The following CHCHD3 variants were observed in gnomAD, a reference collection of about 807,000 sequenced individuals.
CHCHD3 encodes the protein coiled-coil-helix-coiled-coil-helix domain containing 3.
Under a neutral mutation model 38.2 loss-of-function variants are expected in CHCHD3, and 20 were observed. That is an observed-to-expected ratio of 0.52 (90% confidence interval 0.37 to 0.76). The LOEUF is 0.76. Ranked by LOEUF, CHCHD3 falls within the 30% of genes least tolerant of loss-of-function variation. The probability of loss-of-function intolerance (pLI) is 0.00; values close to 1 mark genes in which losing one functional copy is unlikely to be tolerated. For missense variants in CHCHD3, 245 were observed against 279.2 expected (o/e 0.88, Z 0.87); for synonymous variants, 82 against 100.0 (o/e 0.82, Z 1.07).
At chr7:133,045,266 C>CTCACCCAGT (rs1253166071) in intron 2 of CHCHD3, among the ~76,000 whole-genome samples, 2 of 152,074 alleles carry the variant, frequency 1.3e-5, no homozygotes, top group African/African-American at 4.8e-5. Context: ...TGACAACTGA[C>CTCACCCAGT]GAAGAGGTTC....
chr7:132,920,573 G>C (rs1183292033), intron 4 of CHCHD3, among the ~76,000 whole-genome samples: 1 of 152,060 alleles, frequency 6.6e-6, no homozygotes, highest in Non-Finnish European at 1.5e-5. Context: ...TTTATTTATT[G>C]TTGTTTATTT....
In CHCHD3 at chr7:132,822,114, C is replaced by T. The variant is rs115131900; in HGVS notation, c.524+16285G>A. 4.3e-3 allele frequency among the ~76,000 whole-genome samples: 651 copies of T among 152,250 alleles called. 7 individuals are homozygous for T. The highest frequency in any genetic ancestry group is 0.015 in the African/African-American group (604 of 41,534). On this transcript the variant is annotated intron_variant, in intron 6 of 7. Transcript: ENST00000262570. ...AGGATGTATTTTTCATTTGTCTTGT[C>T]GTCTGTTAGAAAAGGTGAAGATGTG...
chr7:132,822,192 T>C (rs1585545688), intron 6 of CHCHD3, among the ~76,000 whole-genome samples: 1 of 152,194 alleles, frequency 6.6e-6, no homozygotes, highest in Admixed American at 6.5e-5. Flanking sequence ...AGCGCTTCAC[T>C]TTCCAAATGT....
At chr7:132,861,289 T>A (rs967271662) in intron 5 of CHCHD3, among the ~76,000 whole-genome samples, 2 of 152,182 alleles carry the variant, frequency 1.3e-5, no homozygotes, top group African/African-American at 4.8e-5. Flanking sequence ...TGCTATTCTT[T>A]GGAGTGTGAG....
chr7:133,070,047 C>T lies in CHCHD3; in HGVS notation c.169+95G>A, dbSNP rs534488609. 1.8e-3 allele frequency: 1,531 copies of T among 832,454 alleles called. 4 individuals are homozygous for T. The highest frequency in any genetic ancestry group is 2.5e-3 in the Non-Finnish European group (1,304 of 528,232). The allele number at this position is 832,454 out of a possible 1,614,324, so 51.6% of individuals were successfully genotyped here. ...TATTAAAAGCTAAACATCTAAATAA[C>T]GAAAGACAGAATGCTAGAGAACTTG... On this transcript the variant is annotated intron_variant, in intron 2 of 7. Transcript: ENST00000262570.
intron 3 of CHCHD3, among the ~76,000 whole-genome samples, chr7:132,975,922 G>T (rs1226956156): frequency 1.2e-5 from 1 of 86,954 alleles, no homozygotes; most frequent in East Asian, 3.1e-4. Flanking sequence ...ATGAGACTCC[G>T]TTTAAAAAAA....
intron 2 of CHCHD3, among the ~76,000 whole-genome samples, chr7:133,048,386 G>A (rs966185148): frequency 6.6e-6 from 1 of 152,166 alleles, no homozygotes; most frequent in African/African-American, 2.4e-5. Flanking sequence ...ACAAAACTGA[G>A]TGCAGTAAGT....
At chr7:133,045,379 C>T (rs1019747397) in intron 2 of CHCHD3, among the ~76,000 whole-genome samples, 4 of 152,164 alleles carry the variant, frequency 2.6e-5, no homozygotes, top group Non-Finnish European at 5.9e-5. Flanking sequence ...ATTTCAGGTC[C>T]TGTCTCTGCT....
intron 2 of CHCHD3, among the ~76,000 whole-genome samples, chr7:133,054,469 T>C (rs533014966): frequency 6.6e-6 from 1 of 152,250 alleles, no homozygotes; most frequent in East Asian, 1.9e-4. Flanking sequence ...ATAATGCAAG[T>C]CCCTATGTAT....
chr7:132,951,611 T>C (rs927993343), intron 4 of CHCHD3, among the ~76,000 whole-genome samples: 3 of 152,242 alleles, frequency 2.0e-5, no homozygotes, highest in Non-Finnish European at 4.4e-5. Flanking sequence ...TGTAAGTACA[T>C]TATATGATGT....
intron 1 of CHCHD3, among the ~76,000 whole-genome samples, chr7:133,078,835 G>C (rs1415535935): frequency 2.0e-5 from 3 of 152,196 alleles, no homozygotes; most frequent in Non-Finnish European, 4.4e-5. Context: ...ATAAATGCTA[G>C]ACAACTGGTC....
chr7:132,787,447 G>T (rs1021306819), intron 7 of CHCHD3, among the ~76,000 whole-genome samples: 3 of 152,062 alleles, frequency 2.0e-5, no homozygotes, highest in African/African-American at 7.2e-5. Flanking sequence ...GGTATGGGAG[G>T]ATCCTTGGTG....
intron 3 of CHCHD3, among the ~76,000 whole-genome samples, chr7:132,984,536 G>A (rs1476143423): frequency 4.1e-5 from 6 of 147,208 alleles, no homozygotes; most frequent in African/African-American, 1.5e-4. Context: ...CGTCTGGGAT[G>A]TGAGGAGCCC....
At chr7:132,902,047 T>G (rs1221612132) in intron 4 of CHCHD3, among the ~76,000 whole-genome samples, 1 of 152,220 alleles carries the variant, frequency 6.6e-6, no homozygotes, top group Non-Finnish European at 1.5e-5. Context: ...TTTCTACATA[T>G]GGCTAGCCAG....
At chr7:133,057,517 A>G (rs972282282) in intron 2 of CHCHD3, among the ~76,000 whole-genome samples, 1 of 152,176 alleles carries the variant, frequency 6.6e-6, no homozygotes, top group Non-Finnish European at 1.5e-5. Context: ...AGCCATTACC[A>G]TACCATAGCA....
chr7:132,944,322 T>C (rs948314282), intron 4 of CHCHD3, among the ~76,000 whole-genome samples: 1 of 151,654 alleles, frequency 6.6e-6, no homozygotes, highest in African/African-American at 2.4e-5. Flanking sequence ...ATCAAGACTC[T>C]AGCAGGGCTG....
At chr7:132,875,990 G>A (rs17166793) in intron 5 of CHCHD3, among the ~76,000 whole-genome samples, 1,915 of 152,278 alleles carry the variant, frequency 0.013, 37 homozygotes, top group African/African-American at 0.041. Flanking sequence ...GTGTTGAAAC[G>A]TAATCCTTAC....
At chr7:132,839,687 C>T in intron 5 of CHCHD3, among the ~76,000 whole-genome samples, 1 of 152,060 alleles carries the variant, frequency 6.6e-6, no homozygotes, top group East Asian at 1.9e-4. Context: ...CACCAGTGAC[C>T]CCTTTGCATT....
At chr7:132,964,802 G>C (rs1331069791) in intron 4 of CHCHD3, among the ~76,000 whole-genome samples, 1 of 151,998 alleles carries the variant, frequency 6.6e-6, no homozygotes, top group Non-Finnish European at 1.5e-5. Context: ...TGCAATACAG[G>C]GATTCACATA....
Sources: gnomAD v4.1 joint callset for allele counts (sites outside exome capture counted in the v4.1 genomes callset) on GRCh38, gnomAD v4.1.1 for gene constraint, MANE v1.5 for transcripts, NCBI Gene and HGNC (gene_info 2026-07-23, HGNC 2026-07-21) for gene names.